DHX8: variants seen among roughly 807,000 people sequenced by gnomAD.
DHX8 encodes DEAH-box helicase 8.
DHX8 carries 67 observed loss-of-function variants against 140.7 expected under a neutral mutation model. That is an observed-to-expected ratio of 0.48 (90% CI 0.39 to 0.58). The LOEUF is 0.58. DHX8 is among the 20% of genes least tolerant of loss of function. The probability of loss-of-function intolerance (pLI) is 0.00; values close to 1 mark genes in which losing one functional copy is unlikely to be tolerated. For missense variants in DHX8, 887 were observed against 1,550.7 expected, an observed-to-expected ratio of 0.57 and a Z score of 7.19; for synonymous variants, 533 against 553.2, an observed-to-expected ratio of 0.96 and a Z score of 0.51.
At chr17:43,508,067 C>T (rs1409645290) in intron 15 of DHX8, 48 bp downstream of exon 15, 2 of 1,575,130 alleles carry the variant, frequency 1.3e-6, no homozygotes, top group Non-Finnish European at 1.7e-6. Flanking sequence ...AATTTTCCCT[C>T]TTAGGCCAAA....
intron 22 of DHX8, among the ~76,000 whole-genome samples, chr17:43,522,841 A>G (rs1465073392): frequency 6.6e-6 from 1 of 151,448 alleles, no homozygotes; most frequent in Non-Finnish European, 1.5e-5. Flanking sequence ...AGGCAGGTGG[A>G]TCACCAGAGG....
intron 16 of DHX8, among the ~76,000 whole-genome samples, chr17:43,512,835 CTG>C (rs1217317967): frequency 1.3e-5 from 2 of 152,186 alleles, no homozygotes; most frequent in Admixed American, 1.3e-4. Flanking sequence ...CACACGCAAA[CTG>C]TGAAATTCCT....
intron 13 of DHX8, 95 bp downstream of exon 13, chr17:43,507,292 T>C (rs1969547823): frequency 7.2e-7 from 1 of 1,395,264 alleles, no homozygotes; most frequent in Non-Finnish European, 9.7e-7. Flanking sequence ...CTGCCTTTTT[T>C]CAGGTTTCTC....
chr17:43,524,962 T>A lies in DHX8; in HGVS notation c.*1115T>A, dbSNP rs570857298. 1 of 985,176 alleles carries A rather than the reference T, an allele frequency of 1.0e-6. No homozygotes were observed. The highest frequency in any genetic ancestry group is 1.1e-4 in the East Asian group (1 of 8,804). 61.0% of individuals were successfully genotyped at this position (985,176 alleles called of 1,614,324 possible). On this transcript the variant is annotated 3_prime_UTR_variant, in exon 23 of 23. Transcript: ENST00000262415. Reference sequence around the variant, plus strand: ...CTCACAGCTCCTGAGGAGGGTTTTTTTTTTTTCTTCCCATAGAGATGGGTT... The same window carrying A: ...CTCACAGCTCCTGAGGAGGGTTTTTATTTTTTCTTCCCATAGAGATGGGTT...
At chr17:43,540,991 G>A (rs139327987) in intron 3 of DHX8, among the ~76,000 whole-genome samples, 2 of 152,266 alleles carry the variant, frequency 1.3e-5, no homozygotes, top group East Asian at 3.9e-4. Context: ...CACTGGTGCT[G>A]GAGAGCAGAG....
chr17:43,517,209 C>T lies in DHX8; in HGVS notation c.2686C>T (p.Pro896Ser). 6.2e-7 allele frequency: 1 copy of T among 1,613,516 alleles called. No individual in the cohort carries two copies. The highest frequency in any genetic ancestry group is 2.2e-5 in the East Asian group (1 of 44,802). ...AGCTGGCAGAGCTGGGAGAACAGGCCCAGGGAAGTGTTACAGGTTGTACAC... is the reference window on the plus strand; with the variant it reads ...AGCTGGCAGAGCTGGGAGAACAGGCTCAGGGAAGTGTTACAGGTTGTACAC... ...QRAGRAGRTG[P>S]GKCYRLYTER... The change falls in exon 18 of 23, where the codon CCA (proline) becomes TCA (serine). Residue 896 changes from proline to serine, a missense_variant. By Grantham distance (74) the Pro-to-Ser change is moderately conservative. Transcript: ENST00000262415.
At chr17:43,493,642 A>C in intron 7 of DHX8, 41 bp from the exon 8 acceptor site, 1 of 1,614,188 alleles carries the variant, frequency 6.2e-7, no homozygotes, top group South Asian at 1.1e-5. Flanking sequence ...GGAATGGAAG[A>C]GGACAGCAAG....
intron 17 of DHX8, among the ~76,000 whole-genome samples, chr17:43,516,299 C>T (rs745640705): frequency 2.5e-4 from 38 of 152,126 alleles, no homozygotes; most frequent in Middle Eastern, 3.4e-3. Flanking sequence ...GGGTTTTTTT[C>T]GCCTAGTCAT....
At chr17:43,529,665 G>A, downstream of DHX8, 1 of 1,611,972 alleles carries the variant, frequency 6.2e-7, no homozygotes, top group South Asian at 1.1e-5. Flanking sequence ...ACCCCTTCCT[G>A]CTTGATGTCT....
At chr17:43,526,358 G>A, downstream of DHX8, 1 of 1,469,326 alleles carries the variant, frequency 6.8e-7, no homozygotes, top group East Asian at 2.5e-5. Context: ...CTGCACACAT[G>A]CTGAGTGTGC....
intron 3 of DHX8, 147 bp downstream of exon 3, chr17:43,490,610 C>A: frequency 1.5e-6 from 1 of 662,806 alleles, no homozygotes; most frequent in Non-Finnish European, 2.5e-6. Context: ...TAGCGGCTCA[C>A]TGCTGGAATC....
At position 43,524,660 on chromosome 17, in the gene DHX8, C is replaced by G; in HGVS notation, c.*813C>G. The G allele has an allele frequency of 4.1e-6, 4 of 985,472 alleles. No individual in the cohort carries two copies. The highest frequency in any genetic ancestry group is 4.8e-6 in the Non-Finnish European group (4 of 829,954). The allele number at this position is 985,472 out of a possible 1,614,324, so 61.0% of individuals were successfully genotyped here. A position where few individuals can be genotyped will look rare whatever the true frequency, so the allele number is the denominator to read the frequency against. ...CCTTGCTCCCTCCACCTCCCACATT[C>G]GCAATGTGCAGCATGTCCCATTTCC... is the stretch of plus-strand genomic sequence containing the variant. On this transcript the variant is annotated 3_prime_UTR_variant, in exon 23 of 23. Coordinates refer to ENST00000262415, the MANE Select transcript of DHX8 (RefSeq NM_004941.3).
intron 3 of DHX8, among the ~76,000 whole-genome samples, chr17:43,537,199 T>G (rs1326043161): frequency 6.6e-6 from 1 of 151,786 alleles, no homozygotes; most frequent in Non-Finnish European, 1.5e-5. Flanking sequence ...AACCCCATCT[T>G]TACTAAAAGT....
intron 16 of DHX8, among the ~76,000 whole-genome samples, chr17:43,512,335 C>T (rs567112804): frequency 2.8e-4 from 41 of 146,654 alleles, no homozygotes; most frequent in African/African-American, 8.6e-4. Context: ...TGCAGTAAGC[C>T]GAGATTGCAC....
At chr17:43,518,221 A>G (rs928802849) in intron 18 of DHX8, 1 of 152,256 alleles carries the variant, frequency 6.6e-6, no homozygotes, top group Admixed American at 6.5e-5. Context: ...TATTCACACA[A>G]TAAACATTTA....
At chr17:43,499,543 A>G (rs1455332061) in intron 10 of DHX8, among the ~76,000 whole-genome samples, 2 of 152,202 alleles carry the variant, frequency 1.3e-5, no homozygotes, top group Non-Finnish European at 2.9e-5. Context: ...CCAGCCCTTA[A>G]GGAGGTACAT....
At chr17:43,520,906 T>C (rs1970341013) in intron 20 of DHX8, 27 bp downstream of exon 20, 2 of 1,577,688 alleles carry the variant, frequency 1.3e-6, no homozygotes, top group African/African-American at 2.8e-5. Flanking sequence ...CAAGTTTAGA[T>C]GGGGGTGCCA....
At chr17:43,528,929 T>C (rs1279776809), downstream of DHX8, among the ~76,000 whole-genome samples, 1 of 152,180 alleles carries the variant, frequency 6.6e-6, no homozygotes, top group African/African-American at 2.4e-5. Flanking sequence ...TCATCTCAAC[T>C]TCTCCATGCT....
At chr17:43,533,628 T>G (rs1001212469) in intron 2 of DHX8, among the ~76,000 whole-genome samples, 4 of 152,136 alleles carry the variant, frequency 2.6e-5, no homozygotes, top group African/African-American at 9.7e-5. Context: ...AGTGGGCCTC[T>G]TGGTGGAAAC....
Sources: gnomAD v4.1 joint callset for allele counts (sites outside exome capture counted in the v4.1 genomes callset) on GRCh38, gnomAD v4.1.1 for gene constraint, MANE v1.5 for transcripts, NCBI Gene and HGNC (gene_info 2026-07-23, HGNC 2026-07-21) for gene names.